The following ROS1 variants were observed in gnomAD, a reference collection of about 807,000 sequenced individuals.
The protein encoded by ROS1 is ROS proto-oncogene 1, receptor tyrosine kinase.
Under a neutral mutation model 273.5 loss-of-function variants are expected in ROS1, and 263 were observed. The ratio of observed to expected loss-of-function variants is 0.96; its 90% CI spans 0.87 to 1.06. The LOEUF (loss-of-function observed/expected upper bound fraction) is 1.06, where lower values mean the gene tolerates loss of function less well. Ranked by LOEUF, ROS1 falls within the 50% of genes least tolerant of loss-of-function variation. The pLI is 0.00. For synonymous variants in ROS1, 1,008 were observed against 954.1 expected, an observed-to-expected ratio of 1.06 and a Z score of -1.04; for missense variants, 2,833 against 2,751.1, an observed-to-expected ratio of 1.03 and a Z score of -0.67.
In ROS1 at chr6:117,387,820, G is replaced by A. The variant is rs1164590340; in HGVS notation, c.1959C>T (p.Gly653=). 6.2e-7 allele frequency: 1 copy of A among 1,614,080 alleles called. No individual in the cohort carries two copies. The highest frequency in any genetic ancestry group is 8.5e-7 in the Non-Finnish European group (1 of 1,180,010). Residue 653 remains glycine (G), a synonymous_variant, in exon 14 of 44, where the codon GGC becomes GGT. Transcript: ENST00000368507. The part of the protein sequence containing the change: ...SVRASSPKRP[G]PWSEPSVGTT... ...TACCCACTGAGGGCTCTGACCAGGG[G>A]CCTGGCCTCTTTGGAGAACTTGCTC...
chr6:117,325,581 A>T (rs1283435387), intron 34 of ROS1, among the ~76,000 whole-genome samples: 1 of 152,152 alleles, frequency 6.6e-6, no homozygotes, highest in Non-Finnish European at 1.5e-5. Flanking sequence ...TGCTTCAACT[A>T]AATTTAACTG....
chr6:117,338,945 G>C (rs1777688549), intron 31 of ROS1, among the ~76,000 whole-genome samples: 1 of 152,090 alleles, frequency 6.6e-6, no homozygotes, highest in East Asian at 1.9e-4. Context: ...GGTTCTGCTA[G>C]GGATTTGCCT....
In ROS1 at chr6:117,374,821, G is replaced by C. The variant is rs369827175; in HGVS notation, c.2582+4238C>G. ...AATAATAGATGTTGGCATGGATGTG[G>C]TGAAGAGGGAACACTCTTACACTGC... is the stretch of plus-strand genomic sequence containing the variant. On this transcript the variant is annotated intron_variant, in intron 18 of 43. Coordinates refer to ENST00000368507, the MANE Select transcript of ROS1 (RefSeq NM_001378902.1). Among the ~76,000 whole-genome samples the C allele has an allele frequency of 3.5e-4, 54 of 152,256 alleles. 1 individual carries two copies. The South Asian group carries it at 0.011, about 30-fold the overall frequency.
At chr6:117,291,945 A>T (rs1228312329) in intron 43 of ROS1, among the ~76,000 whole-genome samples, 11 of 151,330 alleles carry the variant, frequency 7.3e-5, no homozygotes. Flanking sequence ...CATTATGGCA[A>T]CCTCTGTGAC....
At chr6:117,334,099 T>C (rs1292298755) in intron 32 of ROS1, among the ~76,000 whole-genome samples, 1 of 152,154 alleles carries the variant, frequency 6.6e-6, no homozygotes, top group East Asian at 1.9e-4. Context: ...GAAAACCCCA[T>C]CATCTCAGCC....
intron 35 of ROS1, among the ~76,000 whole-genome samples, chr6:117,324,128 T>C (rs1776469256): frequency 6.6e-6 from 1 of 152,216 alleles, no homozygotes; most frequent in Non-Finnish European, 1.5e-5. Context: ...ATGTATATTT[T>C]CCATAAAATA....
chr6:117,390,068 C>T (rs926508333), intron 12 of ROS1, among the ~76,000 whole-genome samples: 1 of 152,182 alleles, frequency 6.6e-6, no homozygotes, highest in African/African-American at 2.4e-5. Flanking sequence ...ACTTGTAATG[C>T]TTAGTCTCTT....
chr6:117,360,087 T>C (rs529265406), intron 23 of ROS1, 76 bp from the exon 24 acceptor site: 1 of 1,228,806 alleles, frequency 8.1e-7, no homozygotes, highest in Non-Finnish European at 1.2e-6. Context: ...ATTTAATATC[T>C]GGCAGTTTTG....
chr6:117,398,505 C>T (rs1416861014), intron 7 of ROS1, among the ~76,000 whole-genome samples: 1 of 152,004 alleles, frequency 6.6e-6, no homozygotes, highest in South Asian at 2.1e-4. Flanking sequence ...ATGGCAAAAA[C>T]CCATCTCTAC....
chr6:117,376,156 C>T (rs1052584249), intron 18 of ROS1, among the ~76,000 whole-genome samples: 5 of 151,644 alleles, frequency 3.3e-5, no homozygotes, highest in African/African-American at 1.2e-4. Flanking sequence ...CAGGAGTGAT[C>T]AAGAAAAAAA....
intron 1 of ROS1, among the ~76,000 whole-genome samples, chr6:117,423,320 G>C (rs536454780): frequency 1.3e-5 from 2 of 152,174 alleles, no homozygotes; most frequent in Admixed American, 6.5e-5. Flanking sequence ...CATTAAAAAA[G>C]GGTTTTGTTG....
chr6:117,402,146 T>C (rs1395619050), intron 7 of ROS1, among the ~76,000 whole-genome samples: 1 of 152,170 alleles, frequency 6.6e-6, no homozygotes, highest in African/African-American at 2.4e-5. Context: ...AAAAGCCACA[T>C]TCCTTACCAA....
At position 117,308,845 on chromosome 6, in the gene ROS1, T is replaced by C. The variant is rs377356164; in HGVS notation, c.6500A>G (p.Tyr2167Cys). Residue 2167 changes from tyrosine (Y) to cysteine (C), a missense_variant, in exon 42 of 44, where the codon TAT becomes TGT. Coordinates refer to ENST00000368507, the MANE Select transcript of ROS1 (RefSeq NM_001378902.1). ...CTCCAGTCTCCCTCCTGTTTGCACA[T>C]AGTTTAACACATCAAGGTTGGAATG... Reference protein sequence around the residue: ...PAHSNLDVLNYVQTGGRLEPP... With the variant: ...PAHSNLDVLNCVQTGGRLEPP... 25 of 1,613,394 alleles carry C rather than the reference T, an allele frequency of 1.5e-5. No homozygotes were observed. The highest frequency in any genetic ancestry group is 1.6e-4 in the Middle Eastern group (1 of 6,078).
At chr6:117,349,459 A>C (rs745352729) in intron 27 of ROS1, among the ~76,000 whole-genome samples, 4 of 151,842 alleles carry the variant, frequency 2.6e-5, no homozygotes, top group African/African-American at 7.3e-5. Flanking sequence ...ATGTGTCTTT[A>C]TATTTAAAGT....
chr6:117,292,088 G>C (rs1347893421), intron 43 of ROS1, among the ~76,000 whole-genome samples: 3 of 151,712 alleles, frequency 2.0e-5, no homozygotes, highest in Admixed American at 6.6e-5. Flanking sequence ...TCCTACCTCA[G>C]CCTCTCTAGT....
At chr6:117,378,668 C>T (rs9320597) in intron 18 of ROS1, among the ~76,000 whole-genome samples, 86,739 of 152,016 alleles carry the variant, frequency 0.57, 25,423 homozygotes, top group African/African-American at 0.7. Flanking sequence ...GGGGGATAAG[C>T]TTGAGGACAC....
rs528802368 is a variant in ROS1 at position 117,292,192 on chromosome 6, G to A, written c.6716-3390C>T. On this transcript the variant is annotated intron_variant, in intron 43 of 43. Transcript: ENST00000368507. The stretch of plus-strand genomic sequence containing the variant: ...TCACCATGTTAGCCAGGATGGTCTC[G>A]ATCTTCTGACCTTGTGATCTGCCCG... 6.1e-4 allele frequency among the ~76,000 whole-genome samples: 92 copies of A among 152,012 alleles called. 1 individual carries two copies. The Middle Eastern group carries it at 0.01, about 17-fold the overall frequency.
At chr6:117,424,188 A>G (rs1265014111) in intron 1 of ROS1, among the ~76,000 whole-genome samples, 1 of 152,190 alleles carries the variant, frequency 6.6e-6, no homozygotes, top group Non-Finnish European at 1.5e-5. Flanking sequence ...ACATTCATAT[A>G]ATGGAATACT....
chr6:117,413,104 A>G (rs1321817), intron 4 of ROS1, among the ~76,000 whole-genome samples: 63,474 of 151,994 alleles, frequency 0.42, 14,225 homozygotes, highest in African/African-American at 0.57. Context: ...CCAACCAGTA[A>G]CAACTGAGAA....
Sources: allele counts gnomAD v4.1 joint callset (sites outside exome capture counted in the v4.1 genomes callset), GRCh38; gene constraint gnomAD v4.1.1; transcripts MANE v1.5; gene names NCBI Gene and HGNC (gene_info 2026-07-23, HGNC 2026-07-21).